The following WWOX variants were observed in gnomAD, a reference collection of about 807,000 sequenced individuals.
WWOX encodes WW domain containing oxidoreductase.
In WWOX, 69 loss-of-function variants were observed where a neutral mutation model predicts 46.2. The observed-to-expected ratio is 1.49, with a 90% CI of 1.23 to 1.82. The LOEUF is 1.82. Ranked by LOEUF, WWOX falls within the 40% of genes most tolerant of loss-of-function variation. The probability of loss-of-function intolerance (pLI) is 0.00; values close to 1 mark genes in which losing one functional copy is unlikely to be tolerated. For missense variants in WWOX, 919 were observed against 542.6 expected (o/e 1.69, Z -6.89); for synonymous variants, 359 against 202.6 (o/e 1.77, Z -6.56).
At chr16:78,894,146 C>G (rs1408750656) in intron 8 of WWOX, among the ~76,000 whole-genome samples, 3 of 151,906 alleles carry the variant, frequency 2.0e-5, no homozygotes, top group South Asian at 4.2e-4. Context: ...TCAAGCAATC[C>G]TCCCACCTCA....
intron 8 of WWOX, among the ~76,000 whole-genome samples, chr16:78,947,379 C>CA (rs144330692): frequency 0.027 from 4,097 of 152,242 alleles, 184 homozygotes; most frequent in African/African-American, 0.093. Flanking sequence ...TCTCTTCCCC[C>CA]CCTTAGCTGT....
intron 8 of WWOX, among the ~76,000 whole-genome samples, chr16:78,985,764 A>G (rs1234377967): frequency 1.3e-5 from 1 of 78,758 alleles, no homozygotes; most frequent in African/African-American, 3.1e-5. Flanking sequence ...GTGAGACTCC[A>G]TCTGAAAAAG....
intron 8 of WWOX, among the ~76,000 whole-genome samples, chr16:78,886,663 A>G (rs1214447603): frequency 7.2e-6 from 1 of 139,654 alleles, no homozygotes; most frequent in Non-Finnish European, 1.5e-5. Flanking sequence ...TATATGTAAA[A>G]TATATATATG....
chr16:78,749,984 C>G (rs903403215), intron 8 of WWOX, among the ~76,000 whole-genome samples: 1 of 152,148 alleles, frequency 6.6e-6, no homozygotes, highest in African/African-American at 2.4e-5. Context: ...GAGTGACTCT[C>G]AGCTCCCCCC....
At chr16:78,517,855 A>ATTTTT (rs11342538) in intron 8 of WWOX, among the ~76,000 whole-genome samples, 28 of 86,314 alleles carry the variant, frequency 3.2e-4, no homozygotes, top group Non-Finnish European at 4.1e-4. Flanking sequence ...TACACAACCT[A>ATTTTT]TTTTTTTTTT....
At chr16:78,338,724 A>G (rs566313606) in intron 5 of WWOX, among the ~76,000 whole-genome samples, 1 of 121,366 alleles carries the variant, frequency 8.2e-6, no homozygotes, top group Non-Finnish European at 2.0e-5. Context: ...GATTGTCTAC[A>G]TGTTTACAAG....
chr16:78,888,956 T>G (rs113644018), intron 8 of WWOX, among the ~76,000 whole-genome samples: 1 of 132,468 alleles, frequency 7.5e-6, no homozygotes, highest in Admixed American at 6.9e-5. Context: ...AATCTCCCCC[T>G]GATGCCCTTA....
intron 8 of WWOX, among the ~76,000 whole-genome samples, chr16:78,736,282 T>C (rs889737434): frequency 2.6e-5 from 4 of 152,148 alleles, no homozygotes; most frequent in Non-Finnish European, 4.4e-5. Flanking sequence ...CGGACAGTCA[T>C]AGGCTATCCT....
chr16:78,567,621 G>T (rs530286459), intron 8 of WWOX, among the ~76,000 whole-genome samples: 1 of 149,038 alleles, frequency 6.7e-6, no homozygotes, highest in Non-Finnish European at 1.5e-5. Context: ...CAAGCTCGCC[G>T]CAGCCTGCTA....
At chr16:78,621,246 C>T (rs936021610) in intron 8 of WWOX, among the ~76,000 whole-genome samples, 1 of 152,112 alleles carries the variant, frequency 6.6e-6, no homozygotes, top group African/African-American at 2.4e-5. Context: ...TGGAATTGTA[C>T]TTAACTGGCA....
chr16:78,638,479 G>A (rs1020855689), intron 8 of WWOX, among the ~76,000 whole-genome samples: 2 of 151,932 alleles, frequency 1.3e-5, no homozygotes, highest in African/African-American at 4.8e-5. Context: ...GACCCAGCTT[G>A]TTGGCCTTGG....
At chr16:78,928,021 T>A (rs574808924) in intron 8 of WWOX, among the ~76,000 whole-genome samples, 1 of 152,232 alleles carries the variant, frequency 6.6e-6, no homozygotes, top group South Asian at 2.1e-4. Flanking sequence ...GAAGTCTTGC[T>A]AGAATGCATA....
chr16:79,169,855 G>T (rs1372356770), intron 8 of WWOX, among the ~76,000 whole-genome samples: 1 of 152,146 alleles, frequency 6.6e-6, no homozygotes, highest in Non-Finnish European at 1.5e-5. Context: ...TTGCTGTATT[G>T]CAGGGAAGTT....
intron 8 of WWOX, among the ~76,000 whole-genome samples, chr16:78,705,025 A>C (rs891617005): frequency 6.6e-6 from 1 of 151,740 alleles, no homozygotes; most frequent in Non-Finnish European, 1.5e-5. Flanking sequence ...CATTGCTTCT[A>C]AGGTAAGGGC....
At chr16:78,789,962 A>T (rs151332370) in intron 8 of WWOX, among the ~76,000 whole-genome samples, 127 of 152,276 alleles carry the variant, frequency 8.3e-4, no homozygotes, top group African/African-American at 2.6e-3. Flanking sequence ...TCACCTCTCC[A>T]AGCCTCAGTT....
rs958701389 is a variant in WWOX, at chr16:78,483,008, A to G, written c.1056+50256A>G. ...GGGCCCACTTTAAGAAAAGGAGTCA[A>G]ACATTTAGTGTGGAATACTGGAAGG... On this transcript the variant is annotated intron_variant, in intron 8 of 8. Coordinates refer to ENST00000566780, the MANE Select transcript of WWOX (RefSeq NM_016373.4). Among the ~76,000 whole-genome samples the G allele has an allele frequency of 2.2e-4, 34 of 152,130 alleles. 2 individuals are homozygous for G. The highest frequency in any genetic ancestry group is 6.5e-5 in the Admixed American group (1 of 15,274).
At chr16:78,752,317 A>G (rs1483298023) in intron 8 of WWOX, among the ~76,000 whole-genome samples, 2 of 152,198 alleles carry the variant, frequency 1.3e-5, no homozygotes, top group Non-Finnish European at 2.9e-5. Context: ...ACGGAGTCTC[A>G]CACTCTGTTG....
chr16:78,744,551 C>T (rs891190195), intron 8 of WWOX, among the ~76,000 whole-genome samples: 1 of 151,106 alleles, frequency 6.6e-6, no homozygotes, highest in Admixed American at 6.6e-5. Context: ...CTTGCCTCAG[C>T]CTCCCGAGTA....
At chr16:78,789,745 C>T (rs186936776) in intron 8 of WWOX, among the ~76,000 whole-genome samples, 18 of 152,294 alleles carry the variant, frequency 1.2e-4, no homozygotes, top group Admixed American at 2.6e-4. Flanking sequence ...TTGTGAGCCA[C>T]GGTTGGCCAG....
Sources: allele counts gnomAD v4.1 joint callset (sites outside exome capture counted in the v4.1 genomes callset), GRCh38; gene constraint gnomAD v4.1.1; transcripts MANE v1.5; gene names NCBI Gene and HGNC (gene_info 2026-07-23, HGNC 2026-07-21).